CACNA1C: variants seen among roughly 807,000 people sequenced by gnomAD.
CACNA1C encodes voltage-dependent L-type calcium channel subunit alpha-1C.
CACNA1C carries 30 observed loss-of-function variants against 229.0 expected under a neutral mutation model. The observed-to-expected ratio is 0.13, with a 90% confidence interval of 0.10 to 0.18. CACNA1C has a LOEUF of 0.18. Among genes scored for constraint, CACNA1C ranks in the 10% least tolerant of loss-of-function variants. The pLI is 1.00. For synonymous variants in CACNA1C, 1,114 were observed against 1,132.5 expected, an observed-to-expected ratio of 0.98 and a Z score of 0.33; for missense variants, 1,658 against 2,845.0, an observed-to-expected ratio of 0.58 and a Z score of 9.49.
chr12:2,358,305 GTGTC>G (rs1285607459), intron 3 of CACNA1C, among the ~76,000 whole-genome samples: 26 of 127,046 alleles, frequency 2.0e-4, no homozygotes, highest in South Asian at 7.3e-4. Context: ...GTGTGTGTGT[GTGTC>G]TCTTTGTCAT....
chr12:2,506,057 C>G (rs2099771108), intron 8 of CACNA1C, among the ~76,000 whole-genome samples: 1 of 152,148 alleles, frequency 6.6e-6, no homozygotes, highest in Admixed American at 6.5e-5. Context: ...GTGGGCTTGG[C>G]CTTCAGAGCT....
chr12:2,452,998 C>A (rs1167007480), intron 4 of CACNA1C, among the ~76,000 whole-genome samples: 1 of 152,184 alleles, frequency 6.6e-6, no homozygotes, highest in Non-Finnish European at 1.5e-5. Context: ...CAAGGCCTCA[C>A]CAGCTAACAT....
Position 2,549,938 on chromosome 12 carries a change from T to C in CACNA1C, c.1391-5T>C. 1 of 1,593,878 alleles carries C rather than the reference T, an allele frequency of 6.3e-7. No individual in the cohort carries two copies. Among genetic ancestry groups the C allele is most frequent in the Non-Finnish European group, 8.6e-7 (1 of 1,168,930 alleles). On this transcript the variant is annotated splice_polypyrimidine_tract_variant and splice_region_variant and intron_variant, in intron 9 of 46. Transcript: ENST00000399655. ...CCTGGCTCTGCTTCCCTTTGACTCT[T>C]GCAGTGAGCATGCCCACCAGTGAGA...
At chr12:2,682,707 G>C in intron 43 of CACNA1C, 29 bp downstream of exon 43, 1 of 1,598,118 alleles carries the variant, frequency 6.3e-7, no homozygotes, top group East Asian at 2.2e-5. Context: ...TGCTGAGGCT[G>C]ACCCAAGTGT....
chr12:2,273,140 C>G (rs1213842594), intron 3 of CACNA1C, among the ~76,000 whole-genome samples: 2 of 152,208 alleles, frequency 1.3e-5, no homozygotes, highest in African/African-American at 4.8e-5. Context: ...CTTAGGTACT[C>G]AAGTCCCTTG....
chr12:2,401,042 C>G (rs762940196), intron 3 of CACNA1C, among the ~76,000 whole-genome samples: 1 of 152,220 alleles, frequency 6.6e-6, no homozygotes, highest in African/African-American at 2.4e-5. Flanking sequence ...CCTAGAAGCC[C>G]CCCAAGGCTT....
At chr12:2,245,965 A>G (rs993334439) in intron 3 of CACNA1C, among the ~76,000 whole-genome samples, 1 of 152,198 alleles carries the variant, frequency 6.6e-6, no homozygotes, top group Non-Finnish European at 1.5e-5. Context: ...GGCCCTGCAC[A>G]CAGTGAGCAC....
chr12:1,989,456 T>C (rs2038782492), intron 1 of CACNA1C, among the ~76,000 whole-genome samples: 1 of 152,238 alleles, frequency 6.6e-6, no homozygotes, highest in South Asian at 2.1e-4. Context: ...GGCTCACGCC[T>C]ATAATCCCAG....
intron 3 of CACNA1C, among the ~76,000 whole-genome samples, chr12:2,432,164 C>T (rs1192254649): frequency 6.6e-6 from 1 of 152,204 alleles, no homozygotes; most frequent in African/African-American, 2.4e-5. Flanking sequence ...GCAGCAAACA[C>T]TTTTTAAATT....
rs193922616 is a variant in CACNA1C, at chr12:2,691,089, G to A, written c.6307G>A (p.Ala2103Thr). ...ALLPFVNCRD[A>T]GQDRAGGEED... Reference sequence around the variant, plus strand: ...CTTACCCTTTGTGAACTGCAGGGACGCGGGGCAGGACCGAGCCGGGGGCGA... The same window carrying A: ...CTTACCCTTTGTGAACTGCAGGGACACGGGGCAGGACCGAGCCGGGGGCGA... The change falls in exon 47 of 47, where the codon GCG (alanine) becomes ACG (threonine). Residue 2103 changes from alanine to threonine, a missense_variant. Physicochemically the swap from Ala to Thr is moderately conservative, Grantham distance 58 (BLOSUM62 0). This residue lies in a region of CACNA1C where 590 missense variants were observed against 700.8 expected (regional missense o/e 0.84). Transcript: ENST00000399655. 6.2e-6 allele frequency: 10 copies of A among 1,612,496 alleles called. No individual in the cohort carries two copies. Among genetic ancestry groups the A allele is most frequent in the South Asian group, 3.3e-5 (3 of 90,736 alleles).
At chr12:2,216,987 A>G (rs1183675806) in intron 3 of CACNA1C, among the ~76,000 whole-genome samples, 1 of 152,254 alleles carries the variant, frequency 6.6e-6, no homozygotes, top group African/African-American at 2.4e-5. Context: ...TGTAATGGCC[A>G]AAAAGCAGAT....
At chr12:2,572,357 T>C (rs2055334268) in intron 13 of CACNA1C, among the ~76,000 whole-genome samples, 2 of 48,244 alleles carry the variant, frequency 4.1e-5, no homozygotes, top group African/African-American at 1.6e-4. Flanking sequence ...CCTCCTCCTC[T>C]CCTCCTCCTT....
chr12:2,167,616 G>A (rs765058455), intron 3 of CACNA1C, among the ~76,000 whole-genome samples: 1 of 152,200 alleles, frequency 6.6e-6, no homozygotes, highest in African/African-American at 2.4e-5. Flanking sequence ...CTTGGAATCT[G>A]CCCCATGCAT....
At chr12:2,659,105 G>A (rs2095574918) in intron 34 of CACNA1C, among the ~76,000 whole-genome samples, 1 of 152,146 alleles carries the variant, frequency 6.6e-6, no homozygotes, top group Non-Finnish European at 1.5e-5. Context: ...CTCCAGTGGT[G>A]TACGGTAGCG....
At chr12:2,586,559 A>T (rs2062537580) in intron 18 of CACNA1C, among the ~76,000 whole-genome samples, 1 of 152,184 alleles carries the variant, frequency 6.6e-6, no homozygotes, top group Non-Finnish European at 1.5e-5. Context: ...CCTCTGACCT[A>T]GGATTGCAGA....
chr12:2,541,466 G>C (rs1044304073), intron 9 of CACNA1C, among the ~76,000 whole-genome samples: 1 of 152,162 alleles, frequency 6.6e-6, no homozygotes, highest in Non-Finnish European at 1.5e-5. Context: ...CTGGAGTGCC[G>C]GGAAGCCTGG....
At chr12:2,374,121 C>T (rs2097953255) in intron 3 of CACNA1C, among the ~76,000 whole-genome samples, 2 of 152,212 alleles carry the variant, frequency 1.3e-5, no homozygotes, top group South Asian at 4.1e-4. Flanking sequence ...AACTAGTAGA[C>T]AGTAGACTAG....
chr12:2,290,359 C>T (rs923188445), intron 3 of CACNA1C, among the ~76,000 whole-genome samples: 2 of 152,118 alleles, frequency 1.3e-5, no homozygotes, highest in African/African-American at 2.4e-5. Context: ...TGGGCAGGGG[C>T]GTGTTTTCAG....
Position 2,567,550 on chromosome 12 carries a change from C to G in CACNA1C, c.1670-19C>G. On this transcript the variant is annotated intron_variant, in intron 12 of 46. Transcript: ENST00000399655. Reference sequence around the variant, plus strand: ...CCTCTGGCCCTGCTCGGATCTCATCCCTCTCCTGGGCCTGCCAGACACGGC... The same window carrying G: ...CCTCTGGCCCTGCTCGGATCTCATCGCTCTCCTGGGCCTGCCAGACACGGC... 6.6e-7 allele frequency: 1 copy of G among 1,524,776 alleles called. No homozygotes were observed. Among genetic ancestry groups the G allele is most frequent in the Non-Finnish European group, 8.9e-7 (1 of 1,118,400 alleles). The allele number at this position is 1,524,776 out of a possible 1,614,324, so 94.5% of individuals were successfully genotyped here.
Sources: gnomAD v4.1 joint callset for allele counts (sites outside exome capture counted in the v4.1 genomes callset) on GRCh38, gnomAD v4.1.1 for gene constraint, gnomAD v4.1.1 regional missense constraint, MANE v1.5 for transcripts, NCBI Gene and HGNC (gene_info 2026-07-23, HGNC 2026-07-21) for gene names.